The following EPS15 variants were observed in gnomAD, a reference collection of about 807,000 sequenced individuals.
EPS15 encodes the protein epidermal growth factor receptor pathway substrate 15.
A neutral mutation model predicts 113.8 loss-of-function variants in EPS15; 72 were observed. The ratio of observed to expected loss-of-function variants is 0.63; its 90% CI spans 0.52 to 0.77. EPS15 has a LOEUF of 0.77. EPS15 is among the 30% of genes least tolerant of loss of function. The pLI is 0.00. For synonymous variants in EPS15, 344 were observed against 363.4 expected, an observed-to-expected ratio of 0.95 and a Z score of 0.61; for missense variants, 1,048 against 1,045.8, an observed-to-expected ratio of 1.00 and a Z score of -0.03.
In EPS15 at chr1:51,356,067, T is replaced by A. The variant is rs1646211680; in HGVS notation, c.*633A>T. ...TAAAAATTTATTTCACACATGAGGC[T>A]TTAATATTTTTAGTTAGGAAAAGAT... On this transcript the variant is annotated 3_prime_UTR_variant, in exon 25 of 25. Transcript: ENST00000371733. The A allele has an allele frequency of 5.0e-6, 1 of 201,016 alleles. No homozygotes were observed. The highest frequency in any genetic ancestry group is 1.9e-4 in the South Asian group (1 of 5,256). 12.5% of individuals were successfully genotyped at this position (201,016 alleles called of 1,614,324 possible).
rs114944984 is a variant in EPS15 at position 51,358,433 on chromosome 1, A to G, written c.2545-1587T>C. Among the ~76,000 whole-genome samples, 1,011 of 152,332 alleles carry G rather than the reference A, an allele frequency of 6.6e-3. 16 individuals are homozygous for G. The highest frequency in any genetic ancestry group is 0.024 in the African/African-American group (978 of 41,570). ...CCAAACAGCAACCTTGGCAAATACTAAATTAAAAATTCTAATTGGTTTCAA... is the reference window on the plus strand; with the variant it reads ...CCAAACAGCAACCTTGGCAAATACTGAATTAAAAATTCTAATTGGTTTCAA... On this transcript the variant is annotated intron_variant, in intron 24 of 24. Coordinates refer to ENST00000371733, the MANE Select transcript of EPS15 (RefSeq NM_001981.3).
In EPS15 at chr1:51,492,559, G is replaced by C. The variant is rs1644253604; in HGVS notation, c.34-11245C>G. Among the ~76,000 whole-genome samples, 3 of 152,108 alleles carry C rather than the reference G, an allele frequency of 2.0e-5. No individual in the cohort carries two copies. The South Asian group carries it at 6.2e-4, about 32-fold the overall frequency. On this transcript the variant is annotated intron_variant, in intron 1 of 24. Coordinates refer to ENST00000371733, the MANE Select transcript of EPS15 (RefSeq NM_001981.3). The stretch of plus-strand genomic sequence containing the variant: ...AAGACCATATCACCAACTCAAACCA[G>C]TAATGGGCCAGTTTTTAATTGAATA...
Position 51,370,925 on chromosome 1 carries a change from G to T in EPS15, c.2120-4896C>A, listed in dbSNP as rs560864907. On this transcript the variant is annotated intron_variant, in intron 21 of 24. Coordinates refer to ENST00000371733, the MANE Select transcript of EPS15 (RefSeq NM_001981.3). Reference sequence around the variant, plus strand: ...TAAGCCACCATGCCCACCCTATTTTGGTTTTTTTGAGATGGAATCTTGCTC... The same window carrying T: ...TAAGCCACCATGCCCACCCTATTTTTGTTTTTTTGAGATGGAATCTTGCTC... 7.6e-5 allele frequency among the ~76,000 whole-genome samples: 11 copies of T among 145,226 alleles called. No homozygotes were observed. The South Asian group carries it at 1.3e-3, about 18-fold the overall frequency.
At chr1:51,375,379 C>T (rs575125490) in intron 21 of EPS15, among the ~76,000 whole-genome samples, 29 of 152,106 alleles carry the variant, frequency 1.9e-4, no homozygotes, top group Non-Finnish European at 8.8e-5. Context: ...CATTTAAGAA[C>T]AAAAATTTAC....
chr1:51,439,624 A>C (rs1652427992), intron 12 of EPS15, among the ~76,000 whole-genome samples: 1 of 152,052 alleles, frequency 6.6e-6, no homozygotes, highest in African/African-American at 2.4e-5. Flanking sequence ...AAATTAAGGA[A>C]GTACCAATAA....
chr1:51,499,202 T>C (rs1644373876), intron 1 of EPS15, among the ~76,000 whole-genome samples: 1 of 152,244 alleles, frequency 6.6e-6, no homozygotes, highest in Admixed American at 6.5e-5. Flanking sequence ...TATTTTGTTA[T>C]AGCAGCAAAA....
At chr1:51,472,200 C>T (rs1377027045) in intron 3 of EPS15, among the ~76,000 whole-genome samples, 1 of 152,058 alleles carries the variant, frequency 6.6e-6, no homozygotes, top group Non-Finnish European at 1.5e-5. Context: ...TTCAAGGCAC[C>T]AGGGAAAGAA....
chr1:51,498,450 T>G (rs966193176), intron 1 of EPS15, among the ~76,000 whole-genome samples: 2 of 152,230 alleles, frequency 1.3e-5, no homozygotes, highest in Admixed American at 6.5e-5. Context: ...ACTTTCAGTA[T>G]TCAATAAATT....
chr1:51,383,712 T>C (rs925698497), intron 21 of EPS15, among the ~76,000 whole-genome samples: 6 of 152,218 alleles, frequency 3.9e-5, no homozygotes, highest in South Asian at 2.1e-4. Context: ...GGTTTGGGGA[T>C]CCCTGCAATA....
intron 6 of EPS15, 99 bp from the exon 7 acceptor site, chr1:51,463,897 T>C (rs1654657841): frequency 1.7e-6 from 1 of 579,340 alleles, no homozygotes. Flanking sequence ...ACATATGTTT[T>C]TAAACTATCA....
intron 12 of EPS15, chr1:51,423,758 C>A: frequency 1.0e-6 from 1 of 983,576 alleles, no homozygotes; most frequent in South Asian, 4.7e-5. Context: ...AGTGAGCTGA[C>A]TCAAAGTAGC....
At chr1:51,433,333 T>A (rs1651886370) in intron 12 of EPS15, among the ~76,000 whole-genome samples, 1 of 152,394 alleles carries the variant, frequency 6.6e-6, no homozygotes, top group Non-Finnish European at 1.5e-5. Flanking sequence ...GAGAACTTAC[T>A]ATGTTCCAAG....
chr1:51,448,904 A>G (rs1056800980), intron 8 of EPS15, among the ~76,000 whole-genome samples: 3 of 152,348 alleles, frequency 2.0e-5, no homozygotes, highest in African/African-American at 4.8e-5. Context: ...ACAAGGAAGG[A>G]TAACAGTTCC....
At chr1:51,488,035 G>A (rs936282548) in intron 1 of EPS15, among the ~76,000 whole-genome samples, 9 of 152,168 alleles carry the variant, frequency 5.9e-5, no homozygotes, top group African/African-American at 2.2e-4. Flanking sequence ...TCTCTGGATA[G>A]CAAGATCATA....
intron 1 of EPS15, among the ~76,000 whole-genome samples, chr1:51,500,207 G>A (rs1187174333): frequency 6.6e-6 from 1 of 152,148 alleles, no homozygotes; most frequent in Non-Finnish European, 1.5e-5. Context: ...AAGGATACTT[G>A]AGTTATTTCT....
chr1:51,368,139 AT>A (rs1217638909), intron 21 of EPS15, among the ~76,000 whole-genome samples: 1 of 152,230 alleles, frequency 6.6e-6, no homozygotes, highest in Non-Finnish European at 1.5e-5. Flanking sequence ...CTCAAAAAAA[AT>A]AAAATAAAAT....
chr1:51,504,539 A>C lies in EPS15; in HGVS notation c.33+14660T>G, dbSNP rs1384979869. Among the ~76,000 whole-genome samples the C allele has an allele frequency of 2.6e-5, 4 of 152,244 alleles. No individual in the cohort carries two copies. The South Asian group carries it at 6.2e-4, about 24-fold the overall frequency. On this transcript the variant is annotated intron_variant, in intron 1 of 24. Transcript: ENST00000371733. ...TCTAATAAGGACTTCTATCTAGAAT[A>C]CATAAAGAATTCTTACAACTCAATA...
At chr1:51,390,174 A>T (rs1434223898) in intron 21 of EPS15, among the ~76,000 whole-genome samples, 6 of 151,390 alleles carry the variant, frequency 4.0e-5, no homozygotes, top group South Asian at 2.1e-4. Context: ...ATCTACAACT[A>T]TCTGATCTTT....
intron 11 of EPS15, among the ~76,000 whole-genome samples, chr1:51,441,052 GT>G (rs1652559873): frequency 6.6e-6 from 1 of 151,954 alleles, no homozygotes; most frequent in African/African-American, 2.4e-5. Context: ...AACAATGAAG[GT>G]TACAAAATTG....
Sources: gnomAD v4.1 joint callset for allele counts (sites outside exome capture counted in the v4.1 genomes callset) on GRCh38, gnomAD v4.1.1 for gene constraint, MANE v1.5 for transcripts, NCBI Gene and HGNC (gene_info 2026-07-23, HGNC 2026-07-21) for gene names.